The following CIMAP2 variants were observed in gnomAD, a reference collection of about 807,000 sequenced individuals.
The protein encoded by CIMAP2 is ciliary microtubule-associated protein 2.
chr1:54,821,111 CCT>C, the CIMAP2 span, among the ~76,000 whole-genome samples: 1 of 152,092 alleles, frequency 6.6e-6, no homozygotes, highest in Non-Finnish European at 1.5e-5. Flanking sequence ...CTGTTGAGTT[CCT>C]TGAATATTCT....
At chr1:54,832,968 G>A in the CIMAP2 span, among the ~76,000 whole-genome samples, 13 of 151,978 alleles carry the variant, frequency 8.6e-5, no homozygotes, top group Admixed American at 2.6e-4. Context: ...TTGAGGCTGC[G>A]GTGAGCCATG....
chr1:54,824,933 T>C, the CIMAP2 span, among the ~76,000 whole-genome samples: 1 of 151,412 alleles, frequency 6.6e-6, no homozygotes. Flanking sequence ...CTTGGAGGTA[T>C]GATGTTTCCT....
At chr1:54,809,186 T>C in the CIMAP2 span, among the ~76,000 whole-genome samples, 18 of 152,288 alleles carry the variant, frequency 1.2e-4, no homozygotes, top group African/African-American at 4.1e-4. Flanking sequence ...CCCTGGAGGC[T>C]CAGAGCAGAT....
chr1:54,811,765 G>GCGGGGGGGGGGGGGGGGGCCCCCCCC, the CIMAP2 span: 2 of 1,301,332 alleles, frequency 1.5e-6, no homozygotes, highest in Non-Finnish European at 1.1e-6. Context: ...GGTTCTGACA[G>GCGGGGGGGGGGGGGGGGGCCCCCCCC]CCTCCATGCC....
chr1:54,809,875 G>GA, the CIMAP2 span, among the ~76,000 whole-genome samples: 142,998 of 147,882 alleles, frequency 0.97, 69,241 homozygotes, highest in East Asian at 1. Flanking sequence ...AGTCCAGCCT[G>GA]AAAAAAAAAC....
At chr1:54,814,062 T>C in the CIMAP2 span, 7 of 1,427,440 alleles carry the variant, frequency 4.9e-6, no homozygotes, top group South Asian at 5.9e-5. Flanking sequence ...GCTAATTTCA[T>C]AGGGAATAGC....
chr1:54,809,609 T>C, the CIMAP2 span, among the ~76,000 whole-genome samples: 2 of 152,168 alleles, frequency 1.3e-5, no homozygotes, highest in African/African-American at 2.4e-5. Context: ...AGCTACCAAC[T>C]GGCAGAAGTA....
chr1:54,815,454 T>C, the CIMAP2 span, among the ~76,000 whole-genome samples: 25 of 100,552 alleles, frequency 2.5e-4, no homozygotes, highest in Non-Finnish European at 4.6e-4. Context: ...AAATGCTCCT[T>C]CCATCCTCTG....
At chr1:54,811,765 G>GCGGGGGGGGGGCGCCCCCCCCCC in the CIMAP2 span, 1 of 1,301,330 alleles carries the variant, frequency 7.7e-7, no homozygotes, top group Non-Finnish European at 1.1e-6. Flanking sequence ...GGTTCTGACA[G>GCGGGGGGGGGGCGCCCCCCCCCC]CCTCCATGCC....
chr1:54,838,419 T>C, the CIMAP2 span, among the ~76,000 whole-genome samples: 2 of 151,606 alleles, frequency 1.3e-5, no homozygotes, highest in East Asian at 1.9e-4. Context: ...GCGGTGGAGG[T>C]TGCAGTGAGC....
chr1:54,813,886 C>T, the CIMAP2 span: 58 of 1,613,688 alleles, frequency 3.6e-5, no homozygotes, highest in Non-Finnish European at 4.3e-5. Context: ...CAATAAGAAG[C>T]ATGGGGTTTT....
At chr1:54,811,996 G>C in the CIMAP2 span, 3 of 1,613,994 alleles carry the variant, frequency 1.9e-6, no homozygotes, top group Non-Finnish European at 2.5e-6. Flanking sequence ...CCAGGGCAGA[G>C]GGGGAAGCTG....
the CIMAP2 span, among the ~76,000 whole-genome samples, chr1:54,822,030 C>T: frequency 2.9e-5 from 4 of 136,352 alleles, 1 homozygote; most frequent in Non-Finnish European, 6.4e-5. Context: ...TCCCAAGTAG[C>T]TGGGACTACA....
the CIMAP2 span, among the ~76,000 whole-genome samples, chr1:54,816,194 G>T: frequency 1.3e-5 from 2 of 152,236 alleles, no homozygotes; most frequent in Non-Finnish European, 2.9e-5. Context: ...GGGCGGGAGA[G>T]CCCCTCTGCT....
the CIMAP2 span, among the ~76,000 whole-genome samples, chr1:54,836,294 T>TACCTGCCCGCCC: frequency 0.017 from 3 of 176 alleles, no homozygotes; most frequent in Non-Finnish European, 0.043. Flanking sequence ...CCTGCCTGCC[T>TACCTGCCCGCCC]GCCTGCCTGC....
chr1:54,816,318 A>G, the CIMAP2 span, among the ~76,000 whole-genome samples: 58,567 of 152,124 alleles, frequency 0.38, 11,845 homozygotes, highest in East Asian at 0.56. Flanking sequence ...CCCACCCCTC[A>G]GGACTGCTTC....
chr1:54,828,735 G>C, the CIMAP2 span, among the ~76,000 whole-genome samples: 1 of 151,784 alleles, frequency 6.6e-6, no homozygotes, highest in South Asian at 2.1e-4. Flanking sequence ...AAATACATTT[G>C]GGATAAACTT....
At chr1:54,806,258 C>A in the CIMAP2 span, 1 of 1,462,914 alleles carries the variant, frequency 6.8e-7, no homozygotes, top group Admixed American at 2.6e-5. Context: ...CGCCCACGGT[C>A]CAAAGCAGCT....
At chr1:54,822,388 T>A in the CIMAP2 span, among the ~76,000 whole-genome samples, 1 of 152,030 alleles carries the variant, frequency 6.6e-6, no homozygotes, top group African/African-American at 2.4e-5. Context: ...ATTGGTTTTT[T>A]TTTTTTCAGT....
Sources: gnomAD v4.1 joint callset for allele counts (sites outside exome capture counted in the v4.1 genomes callset) on GRCh38, gnomAD v4.1.1 for gene constraint, MANE v1.5 for transcripts, NCBI Gene and HGNC (gene_info 2026-07-23, HGNC 2026-07-21) for gene names.